The following GPR39 variants were observed in gnomAD, a reference collection of about 807,000 sequenced individuals.
The protein encoded by GPR39 is G protein-coupled receptor 39.
In GPR39, 23 loss-of-function variants were observed where a neutral mutation model predicts 18.4. That is an observed-to-expected ratio of 1.25 (90% CI 0.90 to 1.77). GPR39 has a LOEUF of 1.77. GPR39 is among the 40% of genes most tolerant of loss of function. GPR39 has a pLI of 0.00. For missense variants in GPR39, 647 were observed against 602.4 expected (o/e 1.07, Z -0.78); for synonymous variants, 280 against 257.9 (o/e 1.09, Z -0.82).
chr2:132,512,271 T>C (rs536393740), intron 1 of GPR39, among the ~76,000 whole-genome samples: 7 of 152,318 alleles, frequency 4.6e-5, no homozygotes, highest in Admixed American at 1.3e-4. Flanking sequence ...GCTGGAAGAA[T>C]AGGCCCAGTT....
At chr2:132,568,264 G>T (rs1452495590) in intron 1 of GPR39, among the ~76,000 whole-genome samples, 2 of 152,120 alleles carry the variant, frequency 1.3e-5, no homozygotes, top group East Asian at 1.9e-4. Flanking sequence ...CCTTTAGGAA[G>T]TGATGATGTT....
chr2:132,533,491 A>G (rs942793418), intron 1 of GPR39, among the ~76,000 whole-genome samples: 1 of 143,342 alleles, frequency 7.0e-6, no homozygotes, highest in African/African-American at 2.5e-5. Flanking sequence ...ATTGGAAAAA[A>G]CTACTTTAAA....
intron 1 of GPR39, among the ~76,000 whole-genome samples, chr2:132,490,304 A>G (rs969037979): frequency 1.3e-5 from 2 of 151,950 alleles, no homozygotes; most frequent in African/African-American, 4.9e-5. Flanking sequence ...TTATGAGGGA[A>G]AAACCCACTA....
At chr2:132,537,735 G>C (rs573370650) in intron 1 of GPR39, among the ~76,000 whole-genome samples, 3 of 151,930 alleles carry the variant, frequency 2.0e-5, no homozygotes, top group South Asian at 4.2e-4. Flanking sequence ...CAGAGGTTTT[G>C]TTCTTTCCTT....
intron 1 of GPR39, among the ~76,000 whole-genome samples, chr2:132,441,873 T>C (rs576320589): frequency 1.4e-4 from 21 of 152,272 alleles, no homozygotes; most frequent in Non-Finnish European, 2.4e-4. Flanking sequence ...AGAGGGGAGA[T>C]CTTGCCGTGT....
intron 1 of GPR39, among the ~76,000 whole-genome samples, chr2:132,572,096 C>T (rs189396707): frequency 5.4e-4 from 82 of 152,240 alleles, no homozygotes; most frequent in Admixed American, 5.1e-3. Flanking sequence ...AGAACTTGGC[C>T]CACAAATCCC....
intron 1 of GPR39, among the ~76,000 whole-genome samples, chr2:132,501,667 C>T (rs1679038345): frequency 6.6e-6 from 1 of 151,942 alleles, no homozygotes; most frequent in Non-Finnish European, 1.5e-5. Context: ...GTCTTGATGA[C>T]CTGTCTAGTA....
chr2:132,529,786 G>A (rs912016933), intron 1 of GPR39, among the ~76,000 whole-genome samples: 3 of 152,216 alleles, frequency 2.0e-5, no homozygotes, highest in Non-Finnish European at 4.4e-5. Context: ...ACCTGCAGCT[G>A]AGGGTCCTGA....
At chr2:132,591,622 A>G (rs370543673) in intron 1 of GPR39, among the ~76,000 whole-genome samples, 18 of 152,310 alleles carry the variant, frequency 1.2e-4, no homozygotes, top group Admixed American at 4.6e-4. Flanking sequence ...TTGTCCCTCT[A>G]GAGAACACTG....
chr2:132,634,831 G>T (rs1681719600), intron 1 of GPR39, among the ~76,000 whole-genome samples: 1 of 152,156 alleles, frequency 6.6e-6, no homozygotes. Flanking sequence ...GGTTTTCTGT[G>T]TCCTGTTATA....
At chr2:132,524,451 G>A (rs1230109467) in intron 1 of GPR39, among the ~76,000 whole-genome samples, 1 of 152,144 alleles carries the variant, frequency 6.6e-6, no homozygotes. Context: ...CCATCTAGCT[G>A]TCTCTGATGT....
chr2:132,418,200 G>A (rs1679946858), intron 1 of GPR39, among the ~76,000 whole-genome samples: 1 of 152,066 alleles, frequency 6.6e-6, no homozygotes, highest in Non-Finnish European at 1.5e-5. Flanking sequence ...AAAAATCTTT[G>A]GTAAAATGGG....
chr2:132,460,256 A>G (rs1680807154), intron 1 of GPR39, among the ~76,000 whole-genome samples: 1 of 152,184 alleles, frequency 6.6e-6, no homozygotes, highest in African/African-American at 2.4e-5. Context: ...AACTCATTTA[A>G]GGTCATACAT....
At chr2:132,447,846 C>T (rs966620783) in intron 1 of GPR39, among the ~76,000 whole-genome samples, 2 of 152,088 alleles carry the variant, frequency 1.3e-5, no homozygotes, top group Non-Finnish European at 2.9e-5. Context: ...TCTGACTCTC[C>T]AAATATCACC....
intron 1 of GPR39, among the ~76,000 whole-genome samples, chr2:132,498,125 A>G (rs1681683324): frequency 1.3e-5 from 2 of 152,154 alleles, no homozygotes; most frequent in South Asian, 4.1e-4. Flanking sequence ...TGGGGAACAG[A>G]TAATGCTTGA....
chr2:132,446,928 AATATATGCCCCAT>A (rs1165432081), intron 1 of GPR39, among the ~76,000 whole-genome samples: 2 of 152,190 alleles, frequency 1.3e-5, no homozygotes, highest in Non-Finnish European at 2.9e-5. Context: ...TTAGGGCCTG[AATATATGCCCCAT>A]ATGTAAAGAT....
chr2:132,520,684 C>G (rs1679409958), intron 1 of GPR39, among the ~76,000 whole-genome samples: 1 of 152,196 alleles, frequency 6.6e-6, no homozygotes, highest in African/African-American at 2.4e-5. Context: ...ACCCCACCAG[C>G]AATGCAGTGT....
chr2:132,492,941 C>T (rs1681525969), intron 1 of GPR39, among the ~76,000 whole-genome samples: 1 of 142,696 alleles, frequency 7.0e-6, no homozygotes, highest in Non-Finnish European at 1.5e-5. Flanking sequence ...CATATATACA[C>T]ACCATATATA....
chr2:132,544,533 G>A (rs1679908931), intron 1 of GPR39, among the ~76,000 whole-genome samples: 1 of 152,166 alleles, frequency 6.6e-6, no homozygotes, highest in Non-Finnish European at 1.5e-5. Context: ...CCATGCCCCT[G>A]CCCAGGCCTC....
Sources: gnomAD v4.1 joint callset for allele counts (sites outside exome capture counted in the v4.1 genomes callset) on GRCh38, gnomAD v4.1.1 for gene constraint, MANE v1.5 for transcripts, NCBI Gene and HGNC (gene_info 2026-07-23, HGNC 2026-07-21) for gene names.